MSH3: variants seen among roughly 807,000 people sequenced by gnomAD.
MSH3 encodes the protein mutS homolog 3, also known as DNA mismatch repair protein Msh3.
MSH3 carries 106 observed loss-of-function variants against 123.3 expected under a neutral mutation model. The ratio of observed to expected loss-of-function variants is 0.86; its 90% confidence interval spans 0.73 to 1.01. The LOEUF (loss-of-function observed/expected upper bound fraction) is 1.01, where lower values mean the gene tolerates loss of function less well. Ranked by LOEUF, MSH3 falls within the 50% of genes least tolerant of loss-of-function variation. The pLI is 0.00. For missense variants in MSH3, 1,459 were observed against 1,347.6 expected, an observed-to-expected ratio of 1.08 and a Z score of -1.29; for synonymous variants, 515 against 481.4, an observed-to-expected ratio of 1.07 and a Z score of -0.91.
intron 12 of MSH3, among the ~76,000 whole-genome samples, chr5:80,745,058 G>T (rs1224700825): frequency 6.6e-6 from 1 of 152,210 alleles, no homozygotes; most frequent in Non-Finnish European, 1.5e-5. Context: ...GTAATAGCAA[G>T]GAGTCCAAAA....
chr5:80,725,676 GAGA>G lies in MSH3; in HGVS notation c.1453+118_1453+120del. The G allele has an allele frequency of 5.2e-6, 4 of 767,608 alleles. No homozygotes were observed. In the East Asian group the frequency reaches 1.1e-4, roughly 21 times the overall value. 47.5% of individuals were successfully genotyped at this position (767,608 alleles called of 1,614,324 possible). On this transcript the variant is annotated intron_variant, in intron 9 of 23. Coordinates refer to ENST00000265081, the MANE Select transcript of MSH3 (RefSeq NM_002439.5). ...CTAGGTAGTTATTATAAATATGTGG[GAGA>G]AGAAGAGCTCACTGTTGTTGTGCTC...
intron 2 of MSH3, among the ~76,000 whole-genome samples, chr5:80,663,585 G>C (rs754249863): frequency 2.0e-5 from 3 of 148,340 alleles, no homozygotes; most frequent in Non-Finnish European, 3.0e-5. Flanking sequence ...GAAACTCTTT[G>C]TATAACATAC....
At chr5:80,817,523 T>C (rs1332269978) in intron 20 of MSH3, among the ~76,000 whole-genome samples, 1 of 152,140 alleles carries the variant, frequency 6.6e-6, no homozygotes, top group Non-Finnish European at 1.5e-5. Context: ...CAATGGGATA[T>C]CCAGTGGGAT....
At chr5:80,692,244 GT>G (rs1222081910) in intron 8 of MSH3, among the ~76,000 whole-genome samples, 3 of 74,594 alleles carry the variant, frequency 4.0e-5, no homozygotes, top group Non-Finnish European at 5.2e-5. Flanking sequence ...ACATGTATAT[GT>G]TTAGATAGAT....
Position 80,813,689 on chromosome 5 carries a change from T to A in MSH3, c.2761T>A (p.Tyr921Asn), listed in dbSNP as rs1580066542. 8.1e-6 allele frequency: 13 copies of A among 1,614,206 alleles called. No homozygotes were observed. Among genetic ancestry groups the A allele is most frequent in the Non-Finnish European group, 7.6e-6 (9 of 1,180,024 alleles). The change falls in exon 20 of 24, where the codon TAT becomes AAT. Residue 921 changes from tyrosine to asparagine, a missense_variant. By Grantham distance (143) the Tyr-to-Asn change is moderately radical (BLOSUM62 -2). Coordinates refer to ENST00000265081, the MANE Select transcript of MSH3 (RefSeq NM_002439.5). ...LITIMAQIGS[Y>N]VPAEEATIGI... is the part of the protein sequence containing the mutation. ...TACCATCATGGCTCAGATTGGCTCC[T>A]ATGTTCCTGCAGAAGAAGCGACAAT...
In MSH3 at chr5:80,776,478, T is replaced by C. The variant is rs553617844; in HGVS notation, c.2318+720T>C. Among the ~76,000 whole-genome samples, 234 of 152,306 alleles carry C rather than the reference T, an allele frequency of 1.5e-3. 1 individual carries two copies. The highest frequency in any genetic ancestry group is 5.4e-3 in the African/African-American group (226 of 41,562). ...CACTGAGCTCCACATTTCTTTATTC[T>C]TAATGCCTTCCTTGGCACATAATTA... On this transcript the variant is annotated intron_variant, in intron 16 of 23. Transcript: ENST00000265081.
At chr5:80,705,619 A>G (rs777081366) in intron 8 of MSH3, among the ~76,000 whole-genome samples, 3 of 152,232 alleles carry the variant, frequency 2.0e-5, no homozygotes, top group Non-Finnish European at 4.4e-5. Flanking sequence ...GGCTTAAGCA[A>G]CAGAAATTCA....
intron 19 of MSH3, among the ~76,000 whole-genome samples, chr5:80,797,856 T>C (rs1744724459): frequency 6.6e-6 from 1 of 152,122 alleles, no homozygotes; most frequent in African/African-American, 2.4e-5. Flanking sequence ...TTGGCACCCC[T>C]GTCACCTTGT....
intron 21 of MSH3, among the ~76,000 whole-genome samples, chr5:80,859,301 T>C (rs1455113795): frequency 6.6e-6 from 1 of 152,028 alleles, no homozygotes; most frequent in Non-Finnish European, 1.5e-5. Context: ...TTGTATTCTT[T>C]TTAAATTAAA....
At chr5:80,774,219 A>C (rs1391895572) in intron 15 of MSH3, among the ~76,000 whole-genome samples, 1 of 152,156 alleles carries the variant, frequency 6.6e-6, no homozygotes, top group East Asian at 1.9e-4. Context: ...ATCTATAAAT[A>C]TATTATGAAT....
intron 10 of MSH3, among the ~76,000 whole-genome samples, chr5:80,729,276 G>A (rs747759317): frequency 4.0e-5 from 6 of 151,748 alleles, no homozygotes; most frequent in African/African-American, 1.2e-4. Context: ...TTAGCCGGGC[G>A]TGGTGGTGGG....
intron 21 of MSH3, among the ~76,000 whole-genome samples, chr5:80,863,789 C>T (rs201845175): frequency 3.9e-5 from 6 of 151,984 alleles, no homozygotes; most frequent in African/African-American, 1.5e-4. Context: ...TATGTGAAGA[C>T]CTGGGATTAA....
At chr5:80,673,040 G>C (rs1375639957) in intron 6 of MSH3, among the ~76,000 whole-genome samples, 182 bp downstream of exon 6, 1 of 152,176 alleles carries the variant, frequency 6.6e-6, no homozygotes, top group Admixed American at 6.5e-5. Context: ...CTGGAAACAA[G>C]CATCTTTTCA....
At chr5:80,849,588 G>C (rs534528678) in intron 20 of MSH3, among the ~76,000 whole-genome samples, 4 of 152,168 alleles carry the variant, frequency 2.6e-5, no homozygotes, top group Non-Finnish European at 5.9e-5. Context: ...AGCTGCCAAG[G>C]CTTGGGGCTT....
chr5:80,792,085 C>T (rs904805244), intron 18 of MSH3, among the ~76,000 whole-genome samples: 2 of 152,150 alleles, frequency 1.3e-5, no homozygotes, highest in African/African-American at 4.8e-5. Context: ...CATTTCATTT[C>T]CAAGTCCAAC....
At chr5:80,736,806 T>A (rs1432681271) in intron 10 of MSH3, among the ~76,000 whole-genome samples, 1 of 152,184 alleles carries the variant, frequency 6.6e-6, no homozygotes, top group African/African-American at 2.4e-5. Context: ...CTGGGGAAAT[T>A]TAAGTGCATC....
rs141753560 is a variant in MSH3, at chr5:80,672,494, A to G, written c.909+134A>G. 240 of 738,240 alleles carry G rather than the reference A, an allele frequency of 3.3e-4. No individual in the cohort carries two copies. In the East Asian group the frequency reaches 6.4e-3, roughly 20 times the overall value. The allele number at this position is 738,240 out of a possible 1,614,324, so 45.7% of individuals were successfully genotyped here. A position where few individuals can be genotyped will look rare whatever the true frequency, so the allele number is the denominator to read the frequency against. ...CATTTTACAGAACTGAAAGTGTTTC[A>G]TAATTATTAGTATTATGTATTTATG... On this transcript the variant is annotated intron_variant, in intron 5 of 23. Coordinates refer to ENST00000265081, the MANE Select transcript of MSH3 (RefSeq NM_002439.5).
At chr5:80,760,106 T>G (rs1744006156) in intron 12 of MSH3, among the ~76,000 whole-genome samples, 1 of 152,210 alleles carries the variant, frequency 6.6e-6, no homozygotes, top group South Asian at 2.1e-4. Flanking sequence ...TTCATATCAG[T>G]GTGTATGATG....
chr5:80,835,536 A>G (rs1479869721), intron 20 of MSH3, among the ~76,000 whole-genome samples: 1 of 152,334 alleles, frequency 6.6e-6, no homozygotes, highest in Non-Finnish European at 1.5e-5. Flanking sequence ...CTTTACCAAT[A>G]TAGGAAAGGC....
Sources: gnomAD v4.1 joint callset for allele counts (sites outside exome capture counted in the v4.1 genomes callset) on GRCh38, gnomAD v4.1.1 for gene constraint, MANE v1.5 for transcripts, NCBI Gene and HGNC (gene_info 2026-07-23, HGNC 2026-07-21) for gene names.